RAB3IP: variants seen among roughly 807,000 people sequenced by gnomAD.
The protein encoded by RAB3IP is RAB3A interacting protein, also known as rab-3A-interacting protein.
In RAB3IP, 36 loss-of-function variants were observed where a neutral mutation model predicts 59.1. That is an observed-to-expected ratio of 0.61 (90% CI 0.47 to 0.80). The LOEUF is 0.80. Among genes scored for constraint, RAB3IP ranks in the 30% least tolerant of loss-of-function variants. RAB3IP has a pLI of 0.00. For synonymous variants in RAB3IP, 207 were observed against 191.2 expected, an observed-to-expected ratio of 1.08 and a Z score of -0.68; for missense variants, 511 against 536.0, an observed-to-expected ratio of 0.95 and a Z score of 0.46.
chr12:69,769,806 G>A lies in RAB3IP; in HGVS notation c.510+13143G>A, dbSNP rs138259613. Among the ~76,000 whole-genome samples, 834 of 152,248 alleles carry A rather than the reference G, an allele frequency of 5.5e-3. 4 individuals are homozygous for A. The highest frequency in any genetic ancestry group is 0.019 in the African/African-American group (784 of 41,530). ...GGTGATGTTTCATTGATTCTGAGTT[G>A]TACATTTTTTTCAACTAACATCTCT... is the stretch of plus-strand genomic sequence containing the variant. On this transcript the variant is annotated intron_variant, in intron 3 of 10. Coordinates refer to ENST00000247833, the MANE Select transcript of RAB3IP (RefSeq NM_022456.5).
rs369620784 is a variant in RAB3IP, at chr12:69,763,793, T to C, written c.510+7130T>C. On this transcript the variant is annotated intron_variant, in intron 3 of 10. Transcript: ENST00000247833. ...CTGTCTAGTAGTCCCCAGTTTCTATTTTTCCCATCTTTAGGTCCATGAGTA... is the reference window on the plus strand; with the variant it reads ...CTGTCTAGTAGTCCCCAGTTTCTATCTTTCCCATCTTTAGGTCCATGAGTA... Among the ~76,000 whole-genome samples the C allele has an allele frequency of 8.1e-4, 123 of 152,264 alleles. 2 individuals carry two copies. The Middle Eastern group carries it at 0.01, about 13-fold the overall frequency.
chr12:69,794,574 C>A lies in RAB3IP; in HGVS notation c.684+60C>A, dbSNP rs935632833. On this transcript the variant is annotated intron_variant, in intron 5 of 10. Coordinates refer to ENST00000247833, the MANE Select transcript of RAB3IP (RefSeq NM_022456.5). ...ATTTGTGATAACTGTTTTAAAGATACCTTAACATCTGTTGGATTTTGTTCT... is the reference window on the plus strand; with the variant it reads ...ATTTGTGATAACTGTTTTAAAGATAACTTAACATCTGTTGGATTTTGTTCT... 20 of 1,285,192 alleles carry A rather than the reference C, an allele frequency of 1.6e-5. No homozygotes were observed. In the African/African-American group the frequency reaches 2.8e-4, roughly 18 times the overall value. 79.6% of individuals were successfully genotyped at this position (1,285,192 alleles called of 1,614,324 possible). A position where few individuals can be genotyped will look rare whatever the true frequency, so the allele number is the denominator to read the frequency against.
intron 8 of RAB3IP, 82 bp from the exon 9 acceptor site, chr12:69,812,696 C>A: frequency 1.1e-6 from 1 of 872,944 alleles, no homozygotes; most frequent in Non-Finnish European, 1.8e-6. Flanking sequence ...TGTTATCTAA[C>A]TGAATGAATA....
intron 3 of RAB3IP, among the ~76,000 whole-genome samples, chr12:69,762,893 A>C (rs185259697): frequency 6.5e-4 from 99 of 152,264 alleles, no homozygotes; most frequent in African/African-American, 2.2e-3. Flanking sequence ...CACTAACCCT[A>C]TTCAGTATTG....
At chr12:69,748,342 C>T (rs1301858654) in intron 1 of RAB3IP, among the ~76,000 whole-genome samples, 1 of 152,046 alleles carries the variant, frequency 6.6e-6, no homozygotes. Flanking sequence ...TTTAAAAATT[C>T]ACTTTAATTA....
chr12:69,760,840 C>T (rs183507501), intron 3 of RAB3IP, among the ~76,000 whole-genome samples: 1 of 152,340 alleles, frequency 6.6e-6, no homozygotes, highest in Admixed American at 6.5e-5. Flanking sequence ...TCCTCTCTCA[C>T]TGGCATAAGC....
rs187003573 is a variant in RAB3IP at position 69,754,563 on chromosome 12, A to G, written c.-25-821A>G. Among the ~76,000 whole-genome samples, 68 of 152,336 alleles carry G rather than the reference A, an allele frequency of 4.5e-4. No individual in the cohort carries two copies. The East Asian group carries it at 0.011, about 24-fold the overall frequency. On this transcript the variant is annotated intron_variant, in intron 1 of 10. Coordinates refer to ENST00000247833, the MANE Select transcript of RAB3IP (RefSeq NM_022456.5). ...AGTTAAATATAAATTCAAGAGATCT[A>G]TGGTACAGCAGGATGACTGTAGTTC...
intron 8 of RAB3IP, among the ~76,000 whole-genome samples, chr12:69,807,124 G>T (rs1320582307): frequency 6.6e-6 from 1 of 152,176 alleles, no homozygotes; most frequent in Non-Finnish European, 1.5e-5. Flanking sequence ...CTCCCAGACG[G>T]GGCGGCCGGG....
intron 4 of RAB3IP, among the ~76,000 whole-genome samples, chr12:69,792,585 C>T (rs1876811050): frequency 6.6e-6 from 1 of 152,094 alleles, no homozygotes; most frequent in African/African-American, 2.4e-5. Flanking sequence ...AATTTTCAAA[C>T]TTTTTTTGAG....
chr12:69,806,570 G>GT (rs35262716), intron 8 of RAB3IP, among the ~76,000 whole-genome samples: 7,703 of 68,428 alleles, frequency 0.11, 694 homozygotes, highest in Non-Finnish European at 0.15. Context: ...TGCTTCTCTA[G>GT]TTTTTTTTTT....
chr12:69,739,506 G>C, intron 1 of RAB3IP: 1 of 318,408 alleles, frequency 3.1e-6, no homozygotes, highest in Non-Finnish European at 5.8e-6. Context: ...AACACCGGAC[G>C]CCGCGCGGCA....
At chr12:69,770,775 A>G (rs1000180897) in intron 3 of RAB3IP, among the ~76,000 whole-genome samples, 1 of 152,114 alleles carries the variant, frequency 6.6e-6, no homozygotes, top group Non-Finnish European at 1.5e-5. Flanking sequence ...TTACACATAC[A>G]CATATACATA....
intron 3 of RAB3IP, among the ~76,000 whole-genome samples, chr12:69,771,763 C>G (rs1425904958): frequency 6.6e-6 from 1 of 152,140 alleles, no homozygotes; most frequent in Non-Finnish European, 1.5e-5. Flanking sequence ...ACCACCAACA[C>G]TGTATGAAAG....
intron 4 of RAB3IP, among the ~76,000 whole-genome samples, chr12:69,789,376 G>A (rs903219283): frequency 6.6e-6 from 1 of 151,918 alleles, no homozygotes; most frequent in Non-Finnish European, 1.5e-5. Flanking sequence ...CCAATCAATT[G>A]GATAATCTAG....
intron 1 of RAB3IP, among the ~76,000 whole-genome samples, chr12:69,741,307 T>C (rs181225922): frequency 1.6e-4 from 24 of 152,344 alleles, no homozygotes; most frequent in Admixed American, 1.4e-3. Flanking sequence ...ATAATTTGTC[T>C]ATGGTTACTT....
chr12:69,812,925 A>G (rs369715698), intron 9 of RAB3IP, 39 bp from the exon 10 acceptor site: 3 of 1,604,344 alleles, frequency 1.9e-6, no homozygotes, highest in East Asian at 2.2e-5. Context: ...TTGATATGGG[A>G]CATTTGACCA....
intron 4 of RAB3IP, among the ~76,000 whole-genome samples, chr12:69,791,519 C>T (rs1464070613): frequency 6.6e-6 from 1 of 152,140 alleles, no homozygotes; most frequent in East Asian, 1.9e-4. Flanking sequence ...CCTAAATAGA[C>T]ATTTCTCCTA....
chr12:69,809,949 G>A (rs10879018), intron 8 of RAB3IP, among the ~76,000 whole-genome samples: 50,925 of 152,018 alleles, frequency 0.33, 8,830 homozygotes, highest in Non-Finnish European at 0.37. Context: ...GAGGAGCTGC[G>A]TTCCTTTGGA....
At chr12:69,803,248 G>A (rs1174869049) in intron 8 of RAB3IP, among the ~76,000 whole-genome samples, 1 of 152,074 alleles carries the variant, frequency 6.6e-6, no homozygotes, top group Non-Finnish European at 1.5e-5. Context: ...AGGATATTGT[G>A]CTTGTGGGAA....
Sources: gnomAD v4.1 joint callset for allele counts (sites outside exome capture counted in the v4.1 genomes callset) on GRCh38, gnomAD v4.1.1 for gene constraint, MANE v1.5 for transcripts, NCBI Gene and HGNC (gene_info 2026-07-23, HGNC 2026-07-21) for gene names.